TMEM132D: variants seen among roughly 807,000 people sequenced by gnomAD.
TMEM132D encodes mature OL transmembrane protein.
Under a neutral mutation model 62.3 loss-of-function variants are expected in TMEM132D, and 21 were observed. The ratio of observed to expected loss-of-function variants is 0.34; its 90% CI spans 0.24 to 0.49. The LOEUF (loss-of-function observed/expected upper bound fraction) is 0.49. Ranked by LOEUF, TMEM132D falls within the 20% of genes least tolerant of loss-of-function variation. TMEM132D has a pLI of 0.99. For missense variants in TMEM132D, 1,346 were observed against 1,402.8 expected (o/e 0.96, Z 0.65); for synonymous variants, 621 against 575.6 (o/e 1.08, Z -1.13).
chr12:129,628,141 ATT>A (rs66867495), intron 2 of TMEM132D, among the ~76,000 whole-genome samples: 3,068 of 152,332 alleles, frequency 0.02, 119 homozygotes, highest in African/African-American at 0.071. Context: ...ATGAGAGAAA[ATT>A]TCAATAAAGC....
chr12:129,888,660 C>T (rs11060605), intron 1 of TMEM132D, among the ~76,000 whole-genome samples: 23,640 of 152,126 alleles, frequency 0.16, 2,559 homozygotes, highest in East Asian at 0.53. Context: ...GCCAAGATCA[C>T]GCCATTGCAC....
At chr12:129,894,498 G>A (rs1447009623) in intron 1 of TMEM132D, among the ~76,000 whole-genome samples, 5 of 152,268 alleles carry the variant, frequency 3.3e-5, no homozygotes, top group South Asian at 2.1e-4. Context: ...TAAAGACCCC[G>A]GGTCAGCCTC....
At chr12:129,781,253 A>G (rs1206629644) in intron 1 of TMEM132D, among the ~76,000 whole-genome samples, 1 of 152,108 alleles carries the variant, frequency 6.6e-6, no homozygotes, top group Non-Finnish European at 1.5e-5. Flanking sequence ...GTCTTAATCT[A>G]TGGTTGCGTC....
chr12:129,889,459 T>C (rs1159994729), intron 1 of TMEM132D, among the ~76,000 whole-genome samples: 3 of 152,162 alleles, frequency 2.0e-5, no homozygotes, highest in Non-Finnish European at 4.4e-5. Flanking sequence ...ACCTTTCCCA[T>C]ATTAAGCCAC....
intron 3 of TMEM132D, among the ~76,000 whole-genome samples, chr12:129,473,324 G>GTTTTTTTTTTTTT (rs751523415): frequency 8.6e-5 from 7 of 81,548 alleles, no homozygotes; most frequent in African/African-American, 1.4e-4. Context: ...TTTAGTTTTT[G>GTTTTTTTTTTTTT]TTTTTTTTTT....
intron 5 of TMEM132D, among the ~76,000 whole-genome samples, chr12:129,129,205 A>G (rs967777943): frequency 2.0e-5 from 3 of 151,320 alleles, no homozygotes; most frequent in Non-Finnish European, 2.9e-5. Context: ...TGAGTACCCA[A>G]TGTTTAGCTC....
At chr12:129,708,233 A>C (rs1174754027) in intron 1 of TMEM132D, among the ~76,000 whole-genome samples, 1 of 152,188 alleles carries the variant, frequency 6.6e-6, no homozygotes, top group Admixed American at 6.5e-5. Flanking sequence ...AGAAAAAAGA[A>C]AAAGAAAACA....
At chr12:129,220,660 C>G (rs901371360) in intron 4 of TMEM132D, among the ~76,000 whole-genome samples, 4 of 152,102 alleles carry the variant, frequency 2.6e-5, no homozygotes, top group African/African-American at 9.7e-5. Flanking sequence ...GAACTATGTA[C>G]CCTCTATGCT....
In TMEM132D at chr12:129,271,592, G is replaced by C. The variant is rs902068348; in HGVS notation, c.1300-61929C>G. Among the ~76,000 whole-genome samples, 5 of 151,474 alleles carry C rather than the reference G, an allele frequency of 3.3e-5. No homozygotes were observed. The East Asian group carries it at 7.8e-4, about 24-fold the overall frequency. The stretch of plus-strand genomic sequence containing the variant: ...CACCCCCTAACAGGGCCCGGTGTAT[G>C]ATGTTCCCCTCCCTGTGTCCATGTG... On this transcript the variant is annotated intron_variant, in intron 4 of 8. Coordinates refer to ENST00000422113, the MANE Select transcript of TMEM132D (RefSeq NM_133448.3).
Position 129,390,572 on chromosome 12 carries a change from C to T in TMEM132D, c.1116-52755G>A, listed in dbSNP as rs149643068. On this transcript the variant is annotated intron_variant, in intron 3 of 8. Transcript: ENST00000422113. ...AAAGAAGAACTGAGTGCTTTGTGTT[C>T]CTGAGAAGTTCAGGGTTATGCTGAT... Among the ~76,000 whole-genome samples the T allele has an allele frequency of 2.2e-3, 338 of 152,268 alleles. 2 individuals are homozygous for T. Among genetic ancestry groups the T allele is most frequent in the African/African-American group, 7.7e-3 (321 of 41,540 alleles).
At chr12:129,657,522 C>T (rs1411148709) in intron 2 of TMEM132D, among the ~76,000 whole-genome samples, 3 of 152,166 alleles carry the variant, frequency 2.0e-5, no homozygotes, top group Non-Finnish European at 4.4e-5. Flanking sequence ...GCCCCTTAAC[C>T]GTCAGTCAAA....
intron 1 of TMEM132D, among the ~76,000 whole-genome samples, chr12:129,734,848 C>G (rs1460540574): frequency 6.6e-6 from 1 of 151,900 alleles, no homozygotes; most frequent in Non-Finnish European, 1.5e-5. Context: ...TGAATTTAAA[C>G]AAATATCCTA....
At chr12:129,732,200 A>C (rs1303435581) in intron 1 of TMEM132D, among the ~76,000 whole-genome samples, 2 of 152,128 alleles carry the variant, frequency 1.3e-5, no homozygotes, top group African/African-American at 2.4e-5. Flanking sequence ...CACATGTGAC[A>C]ATGCTGGTGG....
intron 3 of TMEM132D, among the ~76,000 whole-genome samples, chr12:129,506,463 A>G (rs1322290296): frequency 6.6e-6 from 1 of 152,232 alleles, no homozygotes; most frequent in Non-Finnish European, 1.5e-5. Context: ...AAACTATACT[A>G]TAAGGCGATA....
At chr12:129,406,489 A>G (rs1312263904) in intron 3 of TMEM132D, among the ~76,000 whole-genome samples, 5 of 151,972 alleles carry the variant, frequency 3.3e-5, no homozygotes, top group Non-Finnish European at 5.9e-5. Context: ...GTGTGGTGGC[A>G]TGTGCCTGTA....
chr12:129,517,166 T>G (rs1236741160), intron 3 of TMEM132D, among the ~76,000 whole-genome samples: 1 of 151,278 alleles, frequency 6.6e-6, no homozygotes, highest in Non-Finnish European at 1.5e-5. Flanking sequence ...GGAGTGGGAG[T>G]GGGAGGTATT....
intron 5 of TMEM132D, among the ~76,000 whole-genome samples, chr12:129,146,740 G>C (rs1486424989): frequency 6.6e-6 from 1 of 152,124 alleles, no homozygotes; most frequent in East Asian, 1.9e-4. Context: ...CCAGATCTCA[G>C]CCTATGTTTG....
intron 2 of TMEM132D, among the ~76,000 whole-genome samples, chr12:129,633,328 C>T (rs1879394320): frequency 6.6e-6 from 1 of 152,170 alleles, no homozygotes; most frequent in Non-Finnish European, 1.5e-5. Context: ...GGAGCTTTTA[C>T]CTATTTAAAT....
At chr12:129,870,250 T>A (rs1162227332) in intron 1 of TMEM132D, among the ~76,000 whole-genome samples, 1 of 152,146 alleles carries the variant, frequency 6.6e-6, no homozygotes, top group Non-Finnish European at 1.5e-5. Context: ...CTCAAGGTGC[T>A]GAGATTACAG....
Sources: gnomAD v4.1 joint callset for allele counts (sites outside exome capture counted in the v4.1 genomes callset) on GRCh38, gnomAD v4.1.1 for gene constraint, MANE v1.5 for transcripts, NCBI Gene and HGNC (gene_info 2026-07-23, HGNC 2026-07-21) for gene names.